RBFOX1: variants seen among roughly 807,000 people sequenced by gnomAD.
RBFOX1 encodes RNA binding protein fox-1 homolog 1.
A neutral mutation model predicts 57.7 loss-of-function variants in RBFOX1; 8 were observed. The ratio of observed to expected loss-of-function variants is 0.14; its 90% CI spans 0.08 to 0.25. The LOEUF (loss-of-function observed/expected upper bound fraction) is 0.25, where lower values mean the gene tolerates loss of function less well. Ranked by LOEUF, RBFOX1 falls within the 10% of genes least tolerant of loss-of-function variation. The pLI is 1.00. For synonymous variants in RBFOX1, 326 were observed against 222.4 expected (o/e 1.47, Z -4.15); for missense variants, 611 against 548.5 (o/e 1.11, Z -1.14).
At chr16:5,559,165 C>CAAAAAAAA (rs35531242) in intron 2 of RBFOX1, among the ~76,000 whole-genome samples, 4 of 65,380 alleles carry the variant, frequency 6.1e-5, no homozygotes, top group African/African-American at 1.3e-4. Context: ...CCCCCCCAGG[C>CAAAAAAAA]AAAAAAAAAA....
At chr16:7,202,039 C>T (rs535616045) in intron 4 of RBFOX1, among the ~76,000 whole-genome samples, 2 of 152,094 alleles carry the variant, frequency 1.3e-5, no homozygotes, top group African/African-American at 2.4e-5. Context: ...TTTGGAAGAT[C>T]CTCCCATGGT....
At chr16:5,544,333 G>A (rs1032098125) in intron 2 of RBFOX1, among the ~76,000 whole-genome samples, 2 of 152,156 alleles carry the variant, frequency 1.3e-5, no homozygotes, top group East Asian at 3.8e-4. Flanking sequence ...CTCATGCATG[G>A]AGAAAGGGGT....
chr16:6,875,285 C>G (rs773152427), intron 3 of RBFOX1, among the ~76,000 whole-genome samples: 4 of 152,184 alleles, frequency 2.6e-5, no homozygotes, highest in African/African-American at 9.6e-5. Context: ...CTAAACAATA[C>G]AACTCGTTAT....
At chr16:6,456,970 C>T (rs765428835) in intron 2 of RBFOX1, among the ~76,000 whole-genome samples, 2 of 152,072 alleles carry the variant, frequency 1.3e-5, no homozygotes, top group Non-Finnish European at 2.9e-5. Context: ...TTGGAAGACA[C>T]TTAGGAGAAG....
At chr16:6,965,421 C>G (rs947957488) in intron 3 of RBFOX1, among the ~76,000 whole-genome samples, 1 of 151,910 alleles carries the variant, frequency 6.6e-6, no homozygotes, top group Non-Finnish European at 1.5e-5. Context: ...CAGCTTACTG[C>G]AGCCTCCCGG....
chr16:6,738,328 G>A (rs1015504802), intron 3 of RBFOX1, among the ~76,000 whole-genome samples: 1 of 152,054 alleles, frequency 6.6e-6, no homozygotes, highest in African/African-American at 2.4e-5. Flanking sequence ...ATGAAGCCTG[G>A]AGTACTCCCT....
At chr16:7,677,888 C>A (rs1246753249) in intron 14 of RBFOX1, among the ~76,000 whole-genome samples, 1 of 152,154 alleles carries the variant, frequency 6.6e-6, no homozygotes. Context: ...TCCTACCTGG[C>A]CTGTTGTGAT....
At chr16:6,756,869 G>C (rs1232708220) in intron 3 of RBFOX1, among the ~76,000 whole-genome samples, 2 of 152,024 alleles carry the variant, frequency 1.3e-5, no homozygotes, top group Non-Finnish European at 2.9e-5. Flanking sequence ...CAGCTCCTTG[G>C]GAGGCTGAGG....
At chr16:6,986,767 G>A (rs1191744450) in intron 3 of RBFOX1, among the ~76,000 whole-genome samples, 1 of 152,018 alleles carries the variant, frequency 6.6e-6, no homozygotes, top group Middle Eastern at 3.2e-3. Context: ...GATGCCAGTT[G>A]CCTCCTCCAC....
rs770163669 is a variant in RBFOX1 at position 7,579,797 on chromosome 16, G to A, written c.291G>A (p.Pro97=). Residue 97 remains proline, a synonymous_variant, in exon 6 of 16, where the codon CCG becomes CCA. Coordinates refer to ENST00000550418, the MANE Select transcript of RBFOX1 (RefSeq NM_018723.4). ...GTATQTDDAA[P]TDGQPQTQPS... ...TTTAGCAGACAGATGACGCAGCACC[G>A]ACGGATGGCCAGCCCCAGACACAAC... 25 of 1,614,038 alleles carry A rather than the reference G, an allele frequency of 1.5e-5. No homozygotes were observed. Among genetic ancestry groups the A allele is most frequent in the Non-Finnish European group, 1.8e-5 (21 of 1,179,968 alleles).
intron 4 of RBFOX1, among the ~76,000 whole-genome samples, chr16:7,391,006 T>C (rs2098002961): frequency 6.6e-6 from 1 of 152,224 alleles, no homozygotes; most frequent in African/African-American, 2.4e-5. Flanking sequence ...TCTTCCTTGC[T>C]GACCCTCGTG....
chr16:7,668,380 G>C (rs960016158), intron 13 of RBFOX1, among the ~76,000 whole-genome samples: 33 of 152,182 alleles, frequency 2.2e-4, no homozygotes, highest in African/African-American at 7.7e-4. Flanking sequence ...GATGATCACA[G>C]ATATCTTGAA....
intron 1 of RBFOX1, among the ~76,000 whole-genome samples, chr16:5,293,533 A>T (rs997594255): frequency 1.3e-5 from 2 of 152,182 alleles, no homozygotes; most frequent in Non-Finnish European, 2.9e-5. Flanking sequence ...CTCACTTAGC[A>T]TGATGTTTCC....
rs948952125 is a variant in RBFOX1 at position 6,019,169 on chromosome 16, A to C, written c.-950A>C. 4.1e-6 allele frequency: 4 copies of C among 984,562 alleles called. No homozygotes were observed. The African/African-American group carries it at 7.0e-5, about 17-fold the overall frequency. The allele number at this position is 984,562 out of a possible 1,614,324, so 61.0% of individuals were successfully genotyped here. A position where few individuals can be genotyped will look rare whatever the true frequency, so the allele number is the denominator to read the frequency against. ...TGTTTATTTTCTAATCTATATTTTT[A>C]CTGGAAGATTTCCTCTTTATTCTCT... On this transcript the variant is annotated 5_prime_UTR_variant, in exon 1 of 16. Transcript: ENST00000550418. The surrounding 1 kb of genome is among the most constrained non-coding windows in gnomAD (Gnocchi z 4.2).
intron 4 of RBFOX1, among the ~76,000 whole-genome samples, chr16:7,288,418 C>T (rs1471372904): frequency 6.6e-6 from 1 of 152,212 alleles, no homozygotes; most frequent in Non-Finnish European, 1.5e-5. Context: ...TTCTCAGCTT[C>T]CTTACCTGTG....
intron 4 of RBFOX1, among the ~76,000 whole-genome samples, chr16:7,274,721 G>T (rs2095407539): frequency 6.6e-6 from 1 of 151,770 alleles, no homozygotes; most frequent in Admixed American, 6.6e-5. Flanking sequence ...GTCTCATCCT[G>T]TCACCCAAGC....
In RBFOX1 at chr16:6,760,658, C is replaced by A. The variant is rs138538846; in HGVS notation, c.-16+106008C>A. On this transcript the variant is annotated intron_variant, in intron 3 of 15. Transcript: ENST00000550418. ...AGACAAATAAAAGCATATACTGGAG[C>A]AGAGAGATCCAATCTTTCCCTTTCT... 5.3e-3 allele frequency among the ~76,000 whole-genome samples: 810 copies of A among 152,254 alleles called. 7 individuals carry two copies. The highest frequency in any genetic ancestry group is 6.0e-3 in the Non-Finnish European group (406 of 68,028).
intron 3 of RBFOX1, among the ~76,000 whole-genome samples, chr16:5,795,984 G>A (rs942933128): frequency 1.3e-5 from 2 of 152,226 alleles, no homozygotes; most frequent in African/African-American, 4.8e-5. Flanking sequence ...TGGCAGTACA[G>A]TTGGGTTTTC....
intron 2 of RBFOX1, among the ~76,000 whole-genome samples, chr16:6,458,868 A>G (rs181098276): frequency 6.6e-6 from 1 of 152,326 alleles, no homozygotes; most frequent in East Asian, 1.9e-4. Flanking sequence ...TGTGTTTCCC[A>G]GAATTACTGG....
Sources: allele counts gnomAD v4.1 joint callset (sites outside exome capture counted in the v4.1 genomes callset), GRCh38; gene constraint gnomAD v4.1.1; non-coding constraint Gnocchi (gnomAD v3.1); transcripts MANE v1.5; gene names NCBI Gene and HGNC (gene_info 2026-07-23, HGNC 2026-07-21).